The following BACC1 variants were observed in gnomAD, a reference collection of about 807,000 sequenced individuals.
BACC1 encodes BPTF-associated chromatin complex component 1.
At chr17:7,015,198 G>T in the BACC1 span, 4 of 1,525,358 alleles carry the variant, frequency 2.6e-6, 1 homozygote, top group African/African-American at 4.3e-5. Flanking sequence ...GAGAGCGGGC[G>T]CTTGGACTCG....
the BACC1 span, chr17:7,017,324 C>T: frequency 6.2e-7 from 1 of 1,608,876 alleles, no homozygotes; most frequent in South Asian, 1.1e-5. Context: ...CCTGCTGAGC[C>T]TTCCACCTCT....
At chr17:7,017,301 C>CCTCCT in the BACC1 span, 1 of 1,613,632 alleles carries the variant, frequency 6.2e-7, no homozygotes, top group South Asian at 1.1e-5. Flanking sequence ...CTCTGCTGAT[C>CCTCCT]CTCCTCTCCT....
the BACC1 span, chr17:7,016,488 T>C: frequency 2.5e-6 from 4 of 1,611,616 alleles, no homozygotes; most frequent in African/African-American, 5.4e-5. Flanking sequence ...TTCTCTCTTT[T>C]CTTCAGGGCC....
chr17:7,016,838 GCTTTGGGAA>G, the BACC1 span: 25 of 1,547,134 alleles, frequency 1.6e-5, no homozygotes, highest in Non-Finnish European at 3.6e-6. Flanking sequence ...GAGGCACAAA[GCTTTGGGAA>G]GCTTGGGGCT....
chr17:7,015,101 A>G, the BACC1 span: 1 of 1,576,138 alleles, frequency 6.3e-7, no homozygotes, highest in Non-Finnish European at 8.6e-7. Flanking sequence ...CGCCTTCACG[A>G]AGCTCGGGGA....
At chr17:7,015,846 C>CAG in the BACC1 span, 2 of 1,614,124 alleles carry the variant, frequency 1.2e-6, no homozygotes, top group Non-Finnish European at 1.7e-6. Context: ...ATCTTAATCA[C>CAG]ATCAGCTGTG....
At chr17:7,015,649 G>A in the BACC1 span, 1 of 1,322,212 alleles carries the variant, frequency 7.6e-7, no homozygotes, top group African/African-American at 1.5e-5. Flanking sequence ...ACCTCTTTAT[G>A]CATCCGTGGA....
the BACC1 span, chr17:7,015,775 G>A: frequency 1.2e-6 from 2 of 1,613,496 alleles, no homozygotes; most frequent in Non-Finnish European, 1.7e-6. Flanking sequence ...TTCTGACAGT[G>A]CGAAGTGGAC....
At chr17:7,015,641 C>T in the BACC1 span, 1 of 1,312,182 alleles carries the variant, frequency 7.6e-7, no homozygotes, top group South Asian at 1.4e-5. Flanking sequence ...TACGGAGGAC[C>T]TCTTTATGCA....
chr17:7,017,218 G>A, the BACC1 span: 2 of 1,614,056 alleles, frequency 1.2e-6, no homozygotes, highest in Non-Finnish European at 1.7e-6. Flanking sequence ...GCACACTGGG[G>A]GCTCGCTCCA....
chr17:7,017,125 A>G, the BACC1 span: 1 of 1,532,966 alleles, frequency 6.5e-7, no homozygotes, highest in Non-Finnish European at 9.0e-7. Context: ...GGGTTTCAGA[A>G]GAGAAGGTGC....
At chr17:7,016,388 G>C in the BACC1 span, 1 of 1,313,180 alleles carries the variant, frequency 7.6e-7, no homozygotes, top group Admixed American at 2.2e-5. Flanking sequence ...TTGGGGCCCC[G>C]ACCTGGATTC....
At chr17:7,015,366 G>C in the BACC1 span, 1 of 1,374,896 alleles carries the variant, frequency 7.3e-7, no homozygotes, top group Non-Finnish European at 9.3e-7. Flanking sequence ...CTGTTTCACA[G>C]TTCTCCCTGC....
chr17:7,016,964 T>C, the BACC1 span: 2 of 1,614,028 alleles, frequency 1.2e-6, no homozygotes, highest in South Asian at 1.1e-5. Context: ...GTGGTGGATA[T>C]TGAAGGGCTA....
At chr17:7,015,407 C>G in the BACC1 span, 1 of 1,371,788 alleles carries the variant, frequency 7.3e-7, no homozygotes, top group Non-Finnish European at 9.4e-7. Flanking sequence ...ACCACCGCCA[C>G]TCCCAACCAC....
chr17:7,016,885 A>G, the BACC1 span: 1 of 1,598,940 alleles, frequency 6.3e-7, no homozygotes, highest in Non-Finnish European at 8.6e-7. Context: ...GGGAACCTAG[A>G]ACCTAGCTTA....
chr17:7,016,546 C>T, the BACC1 span: 3 of 1,614,140 alleles, frequency 1.9e-6, no homozygotes, highest in Admixed American at 3.3e-5. Flanking sequence ...ATTCTGGCAT[C>T]CCCCTTCCAG....
At chr17:7,016,007 CTTGAGGA>C in the BACC1 span, 12 of 692,270 alleles carry the variant, frequency 1.7e-5, no homozygotes, top group East Asian at 3.3e-4. Flanking sequence ...TTAGAATCCC[CTTGAGGA>C]CTGAAAGAAT....
the BACC1 span, chr17:7,015,214 A>C: frequency 2.1e-5 from 32 of 1,506,392 alleles, no homozygotes; most frequent in African/African-American, 4.2e-4. Flanking sequence ...ACTCGGTCAC[A>C]GACACGGACC....
Sources: allele counts gnomAD v4.1 joint callset, GRCh38; gene constraint gnomAD v4.1.1; transcripts MANE v1.5; gene names NCBI Gene and HGNC (gene_info 2026-07-23, HGNC 2026-07-21).